Variants in MAST4 observed in about 807,000 individuals in gnomAD.
MAST4 encodes the protein microtubule-associated serine/threonine-protein kinase 4.
A neutral mutation model predicts 162.7 loss-of-function variants in MAST4; 89 were observed. The observed-to-expected ratio is 0.55, with a 90% CI of 0.46 to 0.65. MAST4 has a LOEUF of 0.65. Ranked by LOEUF, MAST4 falls within the 30% of genes least tolerant of loss-of-function variation. The pLI is 0.00. For missense variants in MAST4, 3,153 were observed against 3,374.0 expected, an observed-to-expected ratio of 0.93 and a Z score of 1.62; for synonymous variants, 1,479 against 1,361.1, an observed-to-expected ratio of 1.09 and a Z score of -1.91.
At chr5:67,050,440 T>C (rs1030712944) in intron 4 of MAST4, among the ~76,000 whole-genome samples, 1 of 152,150 alleles carries the variant, frequency 6.6e-6, no homozygotes, top group African/African-American at 2.4e-5. Flanking sequence ...CTCCTGCCCC[T>C]CAGGGGCAGC....
chr5:67,109,272 C>G (rs970650990), intron 10 of MAST4, among the ~76,000 whole-genome samples: 1 of 151,986 alleles, frequency 6.6e-6, no homozygotes, highest in Non-Finnish European at 1.5e-5. Context: ...CCAAAATGCT[C>G]CAGAATATGA....
chr5:67,164,155 G>A lies in MAST4; in HGVS notation c.4976G>A (p.Gly1659Glu). The A allele has an allele frequency of 6.2e-7, 1 of 1,608,898 alleles. No individual in the cohort carries two copies. The highest frequency in any genetic ancestry group is 1.3e-5 in the African/African-American group (1 of 74,994). ...LCHSLDRGIS[G>E]KGEGTEKSSQ... ...CACTCCCTCGACAGGGGCATCTCTG[G>A]GAAGGGGGAAGGCACGGAGAAGTCC... The change falls in exon 29 of 29, where the codon GGG becomes GAG. Residue 1659 changes from glycine to glutamate, a missense_variant. Gly to Glu is a moderately conservative substitution (Grantham distance 98). Around this residue, in one of 7 missense-constraint regions of MAST4, gnomAD observed 1,644 missense variants for 1,495.0 expected, o/e 1.10. Coordinates refer to ENST00000403625, the MANE Select transcript of MAST4 (RefSeq NM_001164664.2). This position sits in a 1 kb window ranked among gnomAD's most constrained non-coding sequence, Gnocchi z 5.3.
chr5:66,629,498 T>A (rs1390775844), intron 1 of MAST4, among the ~76,000 whole-genome samples: 3 of 152,226 alleles, frequency 2.0e-5, no homozygotes, highest in Non-Finnish European at 4.4e-5. Context: ...ATTTAAGATT[T>A]TGAACCATTT....
intron 4 of MAST4, among the ~76,000 whole-genome samples, chr5:66,944,785 T>C (rs1743789400): frequency 6.6e-6 from 1 of 152,180 alleles, no homozygotes; most frequent in Admixed American, 6.6e-5. Context: ...CAAGCTCTCC[T>C]GGCTGTTGGC....
chr5:66,829,208 A>G (rs767658524), intron 3 of MAST4, among the ~76,000 whole-genome samples: 2 of 151,856 alleles, frequency 1.3e-5, no homozygotes, highest in Non-Finnish European at 2.9e-5. Flanking sequence ...GTGTCTGGGA[A>G]GTCTGTCGAG....
At chr5:66,867,444 T>C (rs1297301561) in intron 3 of MAST4, among the ~76,000 whole-genome samples, 3 of 152,232 alleles carry the variant, frequency 2.0e-5, no homozygotes, top group Non-Finnish European at 2.9e-5. Flanking sequence ...AACAATAATT[T>C]ATTTAAAAAG....
chr5:66,875,225 A>C (rs978143912), intron 3 of MAST4, among the ~76,000 whole-genome samples: 7 of 152,210 alleles, frequency 4.6e-5, no homozygotes, highest in African/African-American at 1.7e-4. Flanking sequence ...TGAGGAAGGG[A>C]TTGGAAGACT....
chr5:67,085,027 A>G (rs1463448538), intron 5 of MAST4, among the ~76,000 whole-genome samples: 2 of 152,166 alleles, frequency 1.3e-5, no homozygotes, highest in African/African-American at 4.8e-5. Flanking sequence ...CATTTAATAT[A>G]TTTGAAATTA....
intron 1 of MAST4, among the ~76,000 whole-genome samples, chr5:66,748,403 T>C (rs1004919047): frequency 8.0e-4 from 13 of 16,238 alleles, no homozygotes; most frequent in African/African-American, 1.6e-3. Context: ...TTTCCTTCCT[T>C]CTTTCCTTCC....
At chr5:66,739,759 GGC>G (rs1752376456) in intron 1 of MAST4, among the ~76,000 whole-genome samples, 1 of 151,968 alleles carries the variant, frequency 6.6e-6, no homozygotes, top group Non-Finnish European at 1.5e-5. Flanking sequence ...GTTTTCCCAT[GGC>G]AAATGCTAAA....
chr5:66,986,915 C>G (rs993843277), intron 4 of MAST4, among the ~76,000 whole-genome samples: 2 of 151,978 alleles, frequency 1.3e-5, no homozygotes, highest in Non-Finnish European at 2.9e-5. Flanking sequence ...TCCAGCTAAA[C>G]GTGTCTATAT....
chr5:67,080,661 A>G (rs563221400), intron 5 of MAST4, among the ~76,000 whole-genome samples: 1 of 151,880 alleles, frequency 6.6e-6, no homozygotes, highest in Non-Finnish European at 1.5e-5. Context: ...TAGAGTGAAT[A>G]CTCTTAGTTT....
chr5:66,934,348 G>T (rs909492517), intron 4 of MAST4, among the ~76,000 whole-genome samples: 5 of 151,686 alleles, frequency 3.3e-5, no homozygotes, highest in Admixed American at 1.3e-4. Flanking sequence ...ATATCATTTG[G>T]TCCTCACTTC....
intron 7 of MAST4, among the ~76,000 whole-genome samples, chr5:67,099,537 AAGT>A (rs1764803440): frequency 1.3e-5 from 2 of 152,188 alleles, no homozygotes; most frequent in African/African-American, 4.8e-5. Context: ...ATTTTAAAAT[AAGT>A]AGTATCTTTC....
At chr5:67,093,773 T>C (rs1764123313) in intron 6 of MAST4, 1 of 384,484 alleles carries the variant, frequency 2.6e-6, no homozygotes, top group Non-Finnish European at 5.4e-6. Context: ...TGGGGAGAAA[T>C]TGTGTCCCTC....
chr5:66,835,535 A>G (rs1304037491), intron 3 of MAST4, among the ~76,000 whole-genome samples: 1 of 152,192 alleles, frequency 6.6e-6, no homozygotes, highest in African/African-American at 2.4e-5. Flanking sequence ...TAAAACAATA[A>G]AATTATTTGA....
At chr5:66,857,522 G>T (rs1415781330) in intron 3 of MAST4, among the ~76,000 whole-genome samples, 1 of 152,170 alleles carries the variant, frequency 6.6e-6, no homozygotes, top group African/African-American at 2.4e-5. Flanking sequence ...ACTTCTACCA[G>T]CAGATCTGTT....
At chr5:66,728,727 A>G (rs531670229) in intron 1 of MAST4, among the ~76,000 whole-genome samples, 1 of 152,302 alleles carries the variant, frequency 6.6e-6, no homozygotes, top group South Asian at 2.1e-4. Context: ...ACCAGTTTTT[A>G]TGTTCCCTTT....
intron 1 of MAST4, among the ~76,000 whole-genome samples, chr5:66,648,229 T>G (rs1432102723): frequency 6.6e-6 from 1 of 152,124 alleles, no homozygotes; most frequent in Non-Finnish European, 1.5e-5. Context: ...TTAGGGAAGC[T>G]TTACTCAGTT....
Sources: allele counts gnomAD v4.1 joint callset (sites outside exome capture counted in the v4.1 genomes callset), GRCh38; gene constraint gnomAD v4.1.1; regional missense constraint gnomAD v4.1.1; non-coding constraint Gnocchi (gnomAD v3.1); transcripts MANE v1.5; gene names NCBI Gene and HGNC (gene_info 2026-07-23, HGNC 2026-07-21).